Variants in PPOX observed in about 807,000 individuals in gnomAD.
PPOX encodes protoporphyrinogen oxidase.
A neutral mutation model predicts 54.1 loss-of-function variants in PPOX; 23 were observed. That is an observed-to-expected ratio of 0.43 (90% CI 0.31 to 0.60). The LOEUF (loss-of-function observed/expected upper bound fraction) is 0.60. PPOX is among the 20% of genes least tolerant of loss of function. The pLI is 0.13. For missense variants in PPOX, 512 were observed against 601.1 expected, an observed-to-expected ratio of 0.85 and a Z score of 1.55; for synonymous variants, 224 against 236.1, an observed-to-expected ratio of 0.95 and a Z score of 0.47.
intron 4 of PPOX, chr1:161,176,612 C>T (rs1315786622): frequency 1.4e-5 from 8 of 555,286 alleles, no homozygotes; most frequent in Non-Finnish European, 2.3e-5. Context: ...TAACTAGCTA[C>T]CTGCACCGCC....
At chr1:161,167,660 G>A (rs1194820801) in intron 4 of PPOX, 174 bp downstream of exon 4, 3 of 958,692 alleles carry the variant, frequency 3.1e-6, no homozygotes, top group Admixed American at 2.8e-5. Flanking sequence ...CGCCTTTCGG[G>A]TTCAAGCGAT....
chr1:161,169,903 T>C lies in PPOX; in HGVS notation c.869-3T>C. 1.2e-6 allele frequency: 2 copies of C among 1,614,220 alleles called. No homozygotes were observed. The highest frequency in any genetic ancestry group is 8.5e-7 in the Non-Finnish European group (1 of 1,180,026). ...CTGAGTCAGGCCTCTGCCTGATCTCTAGTGCTCAGTGAGCTGCTCCCTGCT... is the reference window on the plus strand; with the variant it reads ...CTGAGTCAGGCCTCTGCCTGATCTCCAGTGCTCAGTGAGCTGCTCCCTGCT... On this transcript the variant is annotated splice_region_variant and splice_polypyrimidine_tract_variant and intron_variant, in intron 8 of 12. Transcript: ENST00000367999.
downstream of PPOX, chr1:161,175,026 C>T: frequency 6.2e-7 from 1 of 1,613,700 alleles, no homozygotes; most frequent in Non-Finnish European, 8.5e-7. Flanking sequence ...AAGCAAGCTG[C>T]TGGCGCTGCA....
At chr1:161,166,016 G>A, upstream of PPOX, 1 of 867,954 alleles carries the variant, frequency 1.2e-6, no homozygotes, top group African/African-American at 1.8e-5. Context: ...ACGTTGCCGG[G>A]CGGCCCTAGC....
chr1:161,170,321 T>TTGC, intron 9 of PPOX, 88 bp from the exon 10 acceptor site: 7 of 367,760 alleles, frequency 1.9e-5, no homozygotes, highest in Middle Eastern at 8.9e-4. Context: ...TGAGACTCTG[T>TTGC]CCCCCCCACC....
Position 161,169,677 on chromosome 1 carries a change from C to T in PPOX, c.825C>T (p.Ser275=), listed in dbSNP as rs1660456558. Residue 275 remains serine, a synonymous_variant, in exon 8 of 13, where the codon AGC becomes AGT. Transcript: ENST00000367999. ...EGRWKVSLRD[S]SLEADHVISA... is the part of the protein sequence containing the mutation. Reference sequence around the variant, plus strand: ...GCTCTCAGGTATCTCTAAGGGACAGCAGTCTGGAGGCTGACCACGTTATTA... The same window carrying T: ...GCTCTCAGGTATCTCTAAGGGACAGTAGTCTGGAGGCTGACCACGTTATTA... 6.2e-7 allele frequency: 1 copy of T among 1,614,062 alleles called. No homozygotes were observed. Among genetic ancestry groups the T allele is most frequent in the South Asian group, 1.1e-5 (1 of 91,090 alleles).
Position 161,171,095 on chromosome 1 carries a change from T to TGAG in PPOX, c.1355_1357dup (p.Glu452dup). 1 of 1,614,042 alleles carries TGAG rather than the reference T, an allele frequency of 6.2e-7. No homozygotes were observed. The highest frequency in any genetic ancestry group is 8.5e-7 in the Non-Finnish European group (1 of 1,180,016). On this transcript the variant is annotated inframe_insertion, in exon 13 of 13. Transcript: ENST00000367999. Reference sequence around the variant, plus strand: ...CCCTGACTCTGGCTGGAGCCTCCTATGAGGGAGTTGCTGTTAATGACTGTA... The same window carrying TGAG: ...CCCTGACTCTGGCTGGAGCCTCCTATGAGGAGGGAGTTGCTGTTAATGACTGTA...
chr1:161,177,138 A>C, downstream of PPOX: 1 of 1,461,586 alleles, frequency 6.8e-7, no homozygotes, highest in South Asian at 1.2e-5. Flanking sequence ...GAGCAGGGGC[A>C]GAGACAGTCA....
chr1:161,175,545 A>G (rs1663174154), downstream of PPOX, among the ~76,000 whole-genome samples: 1 of 152,154 alleles, frequency 6.6e-6, no homozygotes, highest in African/African-American at 2.4e-5. Context: ...TACAAGGAAA[A>G]CAATTCCTAG....
At chr1:161,176,298 C>T (rs555533095) in intron 4 of PPOX, 2 of 585,872 alleles carry the variant, frequency 3.4e-6, no homozygotes, top group East Asian at 2.9e-5. Context: ...TCCTCTACCT[C>T]CCCCCAAACC....
chr1:161,173,063 A>G (rs1662072153), downstream of PPOX, among the ~76,000 whole-genome samples: 1 of 152,202 alleles, frequency 6.6e-6, no homozygotes, highest in Non-Finnish European at 1.5e-5. Flanking sequence ...GAGAATTCAC[A>G]GAGATGTCAT....
chr1:161,174,266 G>T (rs901707477), downstream of PPOX, among the ~76,000 whole-genome samples: 3 of 152,102 alleles, frequency 2.0e-5, no homozygotes, highest in African/African-American at 7.2e-5. Context: ...AATTAGCTGG[G>T]CATGGTGGTA....
intron 11 of PPOX, 49 bp downstream of exon 11, chr1:161,170,818 C>CA (rs755011375): frequency 3.1e-6 from 5 of 1,614,012 alleles, no homozygotes; most frequent in Non-Finnish European, 4.2e-6. Flanking sequence ...GCCTTGAAGA[C>CA]AGAGACTGGA....
At chr1:161,172,135 G>C (rs1207176081), downstream of PPOX, 1 of 1,612,512 alleles carries the variant, frequency 6.2e-7, no homozygotes, top group Non-Finnish European at 8.5e-7. Context: ...GGAACAGCCA[G>C]AAATCTAGGG....
intron 2 of PPOX, 24 bp from the exon 3 acceptor site, chr1:161,167,076 A>T: frequency 1.2e-6 from 2 of 1,614,020 alleles, no homozygotes; most frequent in Admixed American, 3.3e-5. Context: ...GCGGTGCTGC[A>T]GTGTCTCTCC....
At chr1:161,172,501 A>C, downstream of PPOX, 2 of 616,630 alleles carry the variant, frequency 3.2e-6, no homozygotes, top group Non-Finnish European at 5.5e-6. Flanking sequence ...GAGAATATAA[A>C]AGCTGGATGT....
downstream of PPOX, chr1:161,171,615 C>T (rs1661453941): frequency 1.5e-6 from 1 of 675,904 alleles, no homozygotes; most frequent in Non-Finnish European, 2.5e-6. Flanking sequence ...ATAAGCCCTA[C>T]AGGAGACCCT....
Position 161,169,132 on chromosome 1 carries a change from C to CA in PPOX, c.757dup (p.Arg253LysfsTer28). 6.2e-7 allele frequency: 1 copy of CA among 1,614,198 alleles called. No homozygotes were observed. Among genetic ancestry groups the CA allele is most frequent in the Non-Finnish European group, 8.5e-7 (1 of 1,180,050 alleles). ...TGACTAGTAGGGGGGTCAGTGTTCT[C>CA]AGAGGCCAGCCGGTCTGTGGGCTCA... On this transcript the variant is annotated frameshift_variant, in exon 7 of 13. Transcript: ENST00000367999. LOFTEE classifies it high-confidence loss of function.
chr1:161,170,680 G>A lies in PPOX; in HGVS notation c.1159G>A (p.Glu387Lys). 1.2e-6 allele frequency: 2 copies of A among 1,614,102 alleles called. No individual in the cohort carries two copies. The highest frequency in any genetic ancestry group is 1.7e-6 in the Non-Finnish European group (2 of 1,180,030). Residue 387 changes from glutamate (E) to lysine (K), a missense_variant, in exon 11 of 13, where the codon GAG (glutamate) becomes AAG (lysine). Coordinates refer to ENST00000367999, the MANE Select transcript of PPOX (RefSeq NM_001122764.3). ...GGCTAGTGGCTGTGTCTTATCTCAG[G>A]AGCTGTTTCAACAGCGGGCCCAGGA... ...LEASGCVLSQ[E>K]LFQQRAQEAA...
Sources: gnomAD v4.1 joint callset for allele counts (sites outside exome capture counted in the v4.1 genomes callset) on GRCh38, gnomAD v4.1.1 for gene constraint, MANE v1.5 for transcripts, NCBI Gene and HGNC (gene_info 2026-07-23, HGNC 2026-07-21) for gene names.